BUB1: variants seen among roughly 807,000 people sequenced by gnomAD.
BUB1 encodes mitotic checkpoint serine/threonine-protein kinase BUB1.
A neutral mutation model predicts 135.2 loss-of-function variants in BUB1; 84 were observed. The ratio of observed to expected loss-of-function variants is 0.62; its 90% CI spans 0.52 to 0.74. The LOEUF is 0.74. Ranked by LOEUF, BUB1 falls within the 30% of genes least tolerant of loss-of-function variation. The probability of loss-of-function intolerance (pLI) is 0.00; values close to 1 mark genes in which losing one functional copy is unlikely to be tolerated. For missense variants in BUB1, 1,162 were observed against 1,288.3 expected, an observed-to-expected ratio of 0.90 and a Z score of 1.50; for synonymous variants, 403 against 434.4, an observed-to-expected ratio of 0.93 and a Z score of 0.90.
At chr2:110,666,118 T>C (rs549935257) in intron 9 of BUB1, 145 bp downstream of exon 9, 54 of 783,242 alleles carry the variant, frequency 6.9e-5, no homozygotes, top group Non-Finnish European at 9.0e-5. Flanking sequence ...ATTGTGAACG[T>C]CTATGTCAAA....
At position 110,648,520 on chromosome 2, in the gene BUB1, C is replaced by A. The variant is rs1056954998; in HGVS notation, c.2347+714G>T. Among the ~76,000 whole-genome samples, 1 of 152,032 alleles carries A rather than the reference C, an allele frequency of 6.6e-6. No homozygotes were observed. Among genetic ancestry groups the A allele is most frequent in the Non-Finnish European group, 1.5e-5 (1 of 67,994 alleles). Reference sequence around the variant, plus strand: ...TAAAAAACCCCACAGGATATACAACCCAAAGAGTGAACCCTAATGTAAACT... The same window carrying A: ...TAAAAAACCCCACAGGATATACAACACAAAGAGTGAACCCTAATGTAAACT... On this transcript the variant is annotated intron_variant, in intron 19 of 24. Coordinates refer to ENST00000302759, the MANE Select transcript of BUB1 (RefSeq NM_004336.5). This position sits in a 1 kb window ranked among gnomAD's most constrained non-coding sequence, Gnocchi z 4.2.
intron 16 of BUB1, among the ~76,000 whole-genome samples, chr2:110,654,113 C>T (rs569539498): frequency 6.6e-6 from 1 of 152,198 alleles, no homozygotes; most frequent in African/African-American, 2.4e-5. Context: ...GGCAGGATGA[C>T]CAGACCATGG....
At position 110,653,493 on chromosome 2, in the gene BUB1, G is replaced by T. The variant is rs200797921; in HGVS notation, c.1907C>A (p.Ala636Glu). ...ENVVAKQCTQATLDSCEENMV... is the reference protein window; with the variant it reads ...ENVVAKQCTQETLDSCEENMV... ...GTTTTCCTCACAAGAATCCAAAGTCGCCTGGGTACACTGTTTTGCTACCAC... is the reference window on the plus strand; with the variant it reads ...GTTTTCCTCACAAGAATCCAAAGTCTCCTGGGTACACTGTTTTGCTACCAC... The change falls in exon 17 of 25, where the codon GCG becomes GAG. Residue 636 changes from alanine (A) to glutamate (E), a missense_variant. Physicochemically the swap from Ala to Glu is moderately radical, Grantham distance 107 (BLOSUM62 -1). Transcript: ENST00000302759. 75 of 1,613,782 alleles carry T rather than the reference G, an allele frequency of 4.6e-5. No individual in the cohort carries two copies. The highest frequency in any genetic ancestry group is 1.3e-5 in the African/African-American group (1 of 74,996).
chr2:110,663,842 A>T (rs1690166460), intron 9 of BUB1, among the ~76,000 whole-genome samples: 1 of 152,144 alleles, frequency 6.6e-6, no homozygotes, highest in Non-Finnish European at 1.5e-5. Context: ...TCCTGGTAAC[A>T]CGGTGAAACC....
At position 110,664,593 on chromosome 2, in the gene BUB1, T is replaced by A. The variant is rs1053183333; in HGVS notation, c.957+1670A>T. On this transcript the variant is annotated intron_variant, in intron 9 of 24. Transcript: ENST00000302759. ...CTGTTGCCTTTTTTTTTTTTTTTTT[T>A]AAATAAGCTACTGGAGAAAGTGTGC... Among the ~76,000 whole-genome samples the A allele has an allele frequency of 1.1e-4, 17 of 148,046 alleles. No individual in the cohort carries two copies. In the South Asian group the frequency reaches 3.4e-3, roughly 29 times the overall value.
Position 110,667,574 on chromosome 2 carries a change from A to G in BUB1, c.752T>C (p.Phe251Ser). ...GTATTTCTGGGCTCTCAATTCTTCA[A>G]AGGAAAATTCTGATTCCCCACGAAT... Reference protein sequence around the residue: ...KLIRGESEFSFEELRAQKYNQ... With the variant: ...KLIRGESEFSSEELRAQKYNQ... The change falls in exon 8 of 25, where the codon TTT (phenylalanine) becomes TCT (serine). Residue 251 changes from phenylalanine to serine, a missense_variant. Physicochemically the swap from Phe to Ser is radical, Grantham distance 155 (BLOSUM62 -2). Coordinates refer to ENST00000302759, the MANE Select transcript of BUB1 (RefSeq NM_004336.5). 1 of 1,613,998 alleles carries G rather than the reference A, an allele frequency of 6.2e-7. No individual in the cohort carries two copies. Among genetic ancestry groups the G allele is most frequent in the Non-Finnish European group, 8.5e-7 (1 of 1,179,966 alleles).
Position 110,667,779 on chromosome 2 carries a change from T to C in BUB1, c.620+18A>G, listed in dbSNP as rs758261101. On this transcript the variant is annotated intron_variant, in intron 7 of 24. Coordinates refer to ENST00000302759, the MANE Select transcript of BUB1 (RefSeq NM_004336.5). Reference sequence around the variant, plus strand: ...TTAAAGGAAACTAATAATAGATTAATGCACTGATTATACTTGCATATTTGA... The same window carrying C: ...TTAAAGGAAACTAATAATAGATTAACGCACTGATTATACTTGCATATTTGA... 3.1e-6 allele frequency: 5 copies of C among 1,612,416 alleles called. No individual in the cohort carries two copies. Among genetic ancestry groups the C allele is most frequent in the South Asian group, 1.1e-5 (1 of 90,716 alleles).
chr2:110,666,881 A>G (rs1226298606), intron 8 of BUB1, among the ~76,000 whole-genome samples: 2 of 152,240 alleles, frequency 1.3e-5, no homozygotes, highest in Non-Finnish European at 2.9e-5. Context: ...TGGTTAACAG[A>G]GTCATGCCAC....
rs5833370 is a variant in BUB1, at chr2:110,637,585, AGTGT to A, written c.*375_*378del. 778 of 147,648 alleles carry A rather than the reference AGTGT, an allele frequency of 5.3e-3. 10 individuals carry two copies. Among genetic ancestry groups the A allele is most frequent in the African/African-American group, 0.017 (692 of 39,822 alleles). 9.1% of individuals were successfully genotyped at this position (147,648 alleles called of 1,614,324 possible). A position where few individuals can be genotyped will look rare whatever the true frequency, so the allele number is the denominator to read the frequency against. On this transcript the variant is annotated 3_prime_UTR_variant, in exon 25 of 25. Coordinates refer to ENST00000302759, the MANE Select transcript of BUB1 (RefSeq NM_004336.5). Reference sequence around the variant, plus strand: ...TGAAGTCCCTTGGAAATGTTAGGGAAGTGTGTGTGTGTGTGTGTGTGTGTGTGTG... The same window carrying A: ...TGAAGTCCCTTGGAAATGTTAGGGAAGTGTGTGTGTGTGTGTGTGTGTGTG...
intron 6 of BUB1, among the ~76,000 whole-genome samples, chr2:110,668,758 G>A (rs1481391028): frequency 2.0e-5 from 3 of 152,192 alleles, no homozygotes; most frequent in Non-Finnish European, 4.4e-5. Flanking sequence ...TTCTCACAGG[G>A]AAGGATGCAG....
intron 1 of BUB1, 51 bp from the exon 2 acceptor site, chr2:110,674,416 G>T: frequency 6.5e-7 from 1 of 1,534,368 alleles, no homozygotes; most frequent in Non-Finnish European, 9.0e-7. Context: ...ATTTCTACAA[G>T]CAAAAGATAT....
In BUB1 at chr2:110,661,654, A is replaced by G. The variant is rs1423634027; in HGVS notation, c.1145T>C (p.Ile382Thr). The G allele has an allele frequency of 6.2e-7, 1 of 1,614,076 alleles. No homozygotes were observed. Among genetic ancestry groups the G allele is most frequent in the African/African-American group, 1.3e-5 (1 of 74,924 alleles). The change falls in exon 10 of 25, where the codon ATT becomes ACT. Residue 382 changes from isoleucine (I) to threonine (T), a missense_variant. By Grantham distance (89) the Ile-to-Thr change is moderately conservative (BLOSUM62 -1). Coordinates refer to ENST00000302759, the MANE Select transcript of BUB1 (RefSeq NM_004336.5). ...GGCTTTCAAAGGAACAGGAGGAGCA[A>G]TGCTCTGGCTGGTGGCTGGGGACAC... is the stretch of plus-strand genomic sequence containing the variant. The part of the protein sequence containing the change: ...ALVSPATSQS[I>T]APPVPLKAQT...
intron 6 of BUB1, 92 bp from the exon 7 acceptor site, chr2:110,667,941 G>A: frequency 1.7e-6 from 2 of 1,193,658 alleles, no homozygotes; most frequent in East Asian, 2.4e-5. Flanking sequence ...AATGCTTGAG[G>A]GGAAGAGGGA....
In BUB1 at chr2:110,661,842, C is replaced by G; in HGVS notation, c.958-1G>C. On this transcript the variant is annotated splice_acceptor_variant, in intron 9 of 24. Coordinates refer to ENST00000302759, the MANE Select transcript of BUB1 (RefSeq NM_004336.5). LOFTEE classifies it high-confidence loss of function. ...TTGGCCCCATACGTGCTGGATTAAC[C>G]TTTCATATTAAACAAACAAACAACA... The G allele has an allele frequency of 6.2e-7, 1 of 1,612,678 alleles. No individual in the cohort carries two copies. Among genetic ancestry groups the G allele is most frequent in the Non-Finnish European group, 8.5e-7 (1 of 1,179,288 alleles).
chr2:110,670,126 G>GTTTTTT (rs377459142), intron 5 of BUB1, among the ~76,000 whole-genome samples: 8 of 120,858 alleles, frequency 6.6e-5, no homozygotes, highest in African/African-American at 1.2e-4. Flanking sequence ...AATTGGATGG[G>GTTTTTT]TTTTTTTTTT....
At chr2:110,652,222 A>C (rs1689806577) in intron 17 of BUB1, among the ~76,000 whole-genome samples, 2 of 152,186 alleles carry the variant, frequency 1.3e-5, no homozygotes, top group African/African-American at 2.4e-5. Flanking sequence ...GTGATGAAAA[A>C]TTGAGCCACC....
In BUB1 at chr2:110,669,562, G is replaced by GA. The variant is rs1303667796; in HGVS notation, c.467-10dup. The GA allele has an allele frequency of 1.9e-6, 3 of 1,547,956 alleles. No individual in the cohort carries two copies. The South Asian group carries it at 3.4e-5, about 17-fold the overall frequency. ...AGGTTCTGAGGTTCTAGCTATGAGG[G>GA]AAAAGAGGATAAAATACGGAGAAAT... On this transcript the variant is annotated splice_polypyrimidine_tract_variant and intron_variant, in intron 5 of 24. Coordinates refer to ENST00000302759, the MANE Select transcript of BUB1 (RefSeq NM_004336.5).
chr2:110,651,202 T>C (rs1689776540), intron 17 of BUB1, among the ~76,000 whole-genome samples: 1 of 152,112 alleles, frequency 6.6e-6, no homozygotes, highest in African/African-American at 2.4e-5. Flanking sequence ...CACTTCCATA[T>C]ATATAGTCAT....
chr2:110,677,860 C>A, intron 1 of BUB1, 110 bp downstream of exon 1: 2 of 1,348,820 alleles, frequency 1.5e-6, no homozygotes, highest in South Asian at 1.3e-5. Flanking sequence ...CATTCCAAAC[C>A]CAGGAAGGGG....
Sources: gnomAD v4.1 joint callset for allele counts (sites outside exome capture counted in the v4.1 genomes callset) on GRCh38, gnomAD v4.1.1 for gene constraint, Gnocchi (gnomAD v3.1) non-coding constraint, MANE v1.5 for transcripts, NCBI Gene and HGNC (gene_info 2026-07-23, HGNC 2026-07-21) for gene names.